Variants in ARHGAP29 observed in about 807,000 individuals in gnomAD.
The protein encoded by ARHGAP29 is Rho GTPase activating protein 29.
Under a neutral mutation model 122.6 loss-of-function variants are expected in ARHGAP29, and 43 were observed. That is an observed-to-expected ratio of 0.35 (90% CI 0.27 to 0.45). ARHGAP29 has a LOEUF of 0.45. Among genes scored for constraint, ARHGAP29 ranks in the 20% least tolerant of loss-of-function variants. The probability of loss-of-function intolerance (pLI) is 1.00; values close to 1 mark genes in which losing one functional copy is unlikely to be tolerated. For synonymous variants in ARHGAP29, 506 were observed against 497.1 expected, an observed-to-expected ratio of 1.02 and a Z score of -0.24; for missense variants, 1,303 against 1,477.2, an observed-to-expected ratio of 0.88 and a Z score of 1.93.
In ARHGAP29 at chr1:94,251,085, T is replaced by G. The variant is rs182161515; in HGVS notation, c.-32-19442A>C. Among the ~76,000 whole-genome samples the G allele has an allele frequency of 1.4e-3, 214 of 152,340 alleles. 1 individual carries two copies. The highest frequency in any genetic ancestry group is 0.01 in the Middle Eastern group (3 of 294). On this transcript the variant is annotated intron_variant and NMD_transcript_variant, in intron 1 of 25. Coordinates refer to the ARHGAP29 transcript ENST00000552844. ...GTAAACTATAAATGTCTAGTTATTG[T>G]GCTAGTGATACACTTTTAATTATAC...
chr1:94,259,264 C>T (rs1167317967), intron 1 of ARHGAP29, among the ~76,000 whole-genome samples: 3 of 152,186 alleles, frequency 2.0e-5, no homozygotes, highest in Non-Finnish European at 4.4e-5. Context: ...CAATTCCAGT[C>T]ATCTCTGTGA....
Position 94,258,694 on chromosome 1 carries a change from G to A in ARHGAP29, c.-33+16318C>T, listed in dbSNP as rs141546049. On this transcript the variant is annotated intron_variant and NMD_transcript_variant, in intron 1 of 25. Coordinates refer to the ARHGAP29 transcript ENST00000552844. ...GGCCTTAGTAATGATTATAACTAGC[G>A]CTTCCTATGTAGTAAGGTCTTACAT... Among the ~76,000 whole-genome samples, 705 of 152,278 alleles carry A rather than the reference G, an allele frequency of 4.6e-3. 7 individuals carry two copies. The highest frequency in any genetic ancestry group is 0.016 in the African/African-American group (653 of 41,556).
rs986669662 is a variant in ARHGAP29, at chr1:94,169,722, C to T, written c.*4147G>A. 1.3e-5 allele frequency among the ~76,000 whole-genome samples: 2 copies of T among 151,882 alleles called. No homozygotes were observed. The highest frequency in any genetic ancestry group is 2.9e-5 in the Non-Finnish European group (2 of 67,992). ...TATACCATTTCCCATTTAAAGAAAC[C>T]AGGGCTCCTTGGAAAAAAGGGCTAA... On this transcript the variant is annotated 3_prime_UTR_variant, in exon 23 of 23. Transcript: ENST00000260526.
chr1:94,203,778 ACATC>A (rs1651016613), intron 8 of ARHGAP29, 148 bp downstream of exon 8: 2 of 638,528 alleles, frequency 3.1e-6, no homozygotes, highest in Admixed American at 2.9e-5. Context: ...TTCATAATGG[ACATC>A]CATCTAAACT....
intron 19 of ARHGAP29, 25 bp downstream of exon 19, chr1:94,184,125 TG>T: frequency 6.3e-7 from 1 of 1,591,486 alleles, no homozygotes; most frequent in Non-Finnish European, 8.5e-7. Context: ...AATTTAATGG[TG>T]GGTTTCAAGG....
chr1:94,214,391 G>C (rs1380295720), intron 3 of ARHGAP29, among the ~76,000 whole-genome samples: 1 of 152,054 alleles, frequency 6.6e-6, no homozygotes, highest in Non-Finnish European at 1.5e-5. Flanking sequence ...CCATACCTTT[G>C]AGGGAACAAA....
chr1:94,235,977 C>G (rs966919228), intron 1 of ARHGAP29, among the ~76,000 whole-genome samples: 3 of 152,190 alleles, frequency 2.0e-5, no homozygotes, highest in Admixed American at 2.0e-4. Flanking sequence ...AACATCTATA[C>G]TTACTATTTC....
At chr1:94,271,718 G>A (rs551005636) in intron 1 of ARHGAP29, among the ~76,000 whole-genome samples, 2 of 152,294 alleles carry the variant, frequency 1.3e-5, no homozygotes, top group South Asian at 4.2e-4. Flanking sequence ...AATACAAAAG[G>A]TGGAACAGGA....
At chr1:94,179,252 T>A (rs1275866744) in intron 20 of ARHGAP29, among the ~76,000 whole-genome samples, 2 of 152,196 alleles carry the variant, frequency 1.3e-5, no homozygotes, top group Non-Finnish European at 2.9e-5. Flanking sequence ...AATGAAATGT[T>A]CATTTTAAAA....
chr1:94,193,875 T>C (rs1012733856), intron 12 of ARHGAP29: 2 of 152,160 alleles, frequency 1.3e-5, no homozygotes, highest in Admixed American at 1.3e-4. Context: ...TAGTAAATAA[T>C]AGACTACTTT....
the ARHGAP29 span, among the ~76,000 whole-genome samples, chr1:94,284,282 A>G: frequency 1.3e-5 from 2 of 152,232 alleles, no homozygotes; most frequent in African/African-American, 4.8e-5. Flanking sequence ...AAATTGAAAT[A>G]GCTACAATTT....
At chr1:94,174,787 T>TAA in intron 22 of ARHGAP29, 38 bp from the exon 23 acceptor site, 1 of 1,591,460 alleles carries the variant, frequency 6.3e-7, no homozygotes, top group Non-Finnish European at 8.6e-7. Context: ...TTGTGGCACA[T>TAA]GGTTAATAAG....
chr1:94,195,166 A>C (rs1650376084), intron 12 of ARHGAP29: 1 of 152,212 alleles, frequency 6.6e-6, no homozygotes. Context: ...ACGAGAAGGG[A>C]AGGGAAAGAG....
At chr1:94,208,657 A>C (rs1651373435) in intron 5 of ARHGAP29, among the ~76,000 whole-genome samples, 175 bp downstream of exon 5, 1 of 151,866 alleles carries the variant, frequency 6.6e-6, no homozygotes, top group East Asian at 1.9e-4. Flanking sequence ...ATGGGGTTTC[A>C]CCATGTTGGC....
chr1:94,233,120 A>G (rs1172940126), intron 1 of ARHGAP29, among the ~76,000 whole-genome samples: 1 of 151,868 alleles, frequency 6.6e-6, no homozygotes, highest in East Asian at 1.9e-4. Context: ...AGCTAAAAAA[A>G]AAATTTTTTT....
the ARHGAP29 span, among the ~76,000 whole-genome samples, chr1:94,294,266 GCA>G: frequency 6.1e-4 from 92 of 150,020 alleles, no homozygotes; most frequent in South Asian, 0.011. Flanking sequence ...ACATACATGT[GCA>G]CACACACACA....
upstream of ARHGAP29, chr1:94,237,621 G>A: frequency 1.0e-6 from 1 of 987,018 alleles, no homozygotes. Flanking sequence ...CGCCACGGCC[G>A]CACCGCCCGC....
At chr1:94,211,937 A>T (rs2101552494) in intron 3 of ARHGAP29, among the ~76,000 whole-genome samples, 1 of 151,066 alleles carries the variant, frequency 6.6e-6, no homozygotes, top group Non-Finnish European at 1.5e-5. Context: ...CTGGTGTGTG[A>T]TGTTCCCCTT....
At chr1:94,295,265 G>A in the ARHGAP29 span, among the ~76,000 whole-genome samples, 4 of 152,106 alleles carry the variant, frequency 2.6e-5, no homozygotes, top group Non-Finnish European at 5.9e-5. Flanking sequence ...TTGCCAAGTG[G>A]GTATATAGAA....
Sources: gnomAD v4.1 joint callset for allele counts (sites outside exome capture counted in the v4.1 genomes callset) on GRCh38, gnomAD v4.1.1 for gene constraint, MANE v1.5 for transcripts, NCBI Gene and HGNC (gene_info 2026-07-23, HGNC 2026-07-21) for gene names.